Variants in COMMD5 observed in about 807,000 individuals in gnomAD.
COMMD5 encodes the protein COMM domain-containing protein 5.
Under a neutral mutation model 6.9 loss-of-function variants are expected in COMMD5, and 10 were observed. The ratio of observed to expected loss-of-function variants is 1.44; its 90% confidence interval spans 0.89 to 2.45. The LOEUF (loss-of-function observed/expected upper bound fraction) is 2.45. COMMD5 is among the 30% of genes most tolerant of loss of function. The probability of loss-of-function intolerance (pLI) is 0.00; values close to 1 mark genes in which losing one functional copy is unlikely to be tolerated. For synonymous variants in COMMD5, 127 were observed against 125.3 expected, an observed-to-expected ratio of 1.01 and a Z score of -0.09; for missense variants, 234 against 287.8, an observed-to-expected ratio of 0.81 and a Z score of 1.35.
At chr8:144,843,530 G>C (rs192931908) in intron 1 of COMMD5, 29 of 154,254 alleles carry the variant, frequency 1.9e-4, no homozygotes, top group East Asian at 1.5e-3. Context: ...GGAGCTTGCA[G>C]TGAGCTGAGA....
rs778991192 is a variant in COMMD5, at chr8:144,850,652, T to G, written c.*12A>C. 7 of 1,607,432 alleles carry G rather than the reference T, an allele frequency of 4.4e-6. No individual in the cohort carries two copies. Among genetic ancestry groups the G allele is most frequent in the South Asian group, 2.2e-5 (2 of 90,828 alleles). On this transcript the variant is annotated 3_prime_UTR_variant, in exon 2 of 2. Transcript: ENST00000305103. The surrounding 1 kb of genome is among the most constrained non-coding windows in gnomAD (Gnocchi z 4.0). ...CCAAGCCGGATCTGAATGGGACTGG[T>G]CAAGTGAGGGGTCAGTCCTGCAGTC...
chr8:144,845,894 A>C, downstream of COMMD5: 2 of 1,364,346 alleles, frequency 1.5e-6, no homozygotes, highest in Non-Finnish European at 2.0e-6. Flanking sequence ...GGCTGCTGAG[A>C]AGGGTCTTGG....
At chr8:144,838,767 CCT>C (rs1335796718), downstream of COMMD5, 2 of 151,264 alleles carry the variant, frequency 1.3e-5, no homozygotes, top group East Asian at 1.9e-4. Flanking sequence ...ACGGTGAAAC[CCT>C]GTGTCTACTA....
At chr8:144,841,285 C>T in exon 2 of COMMD5, 1 of 1,483,600 alleles carries the variant, frequency 6.7e-7, no homozygotes, top group South Asian at 1.3e-5. Context: ...GCCCTGGCCC[C>T]CGCATTTGTA....
chr8:144,839,995 C>T (rs1829659761), downstream of COMMD5, among the ~76,000 whole-genome samples: 1 of 152,212 alleles, frequency 6.6e-6, no homozygotes. Flanking sequence ...AGTGCAGTGG[C>T]ATGATCTTGG....
Position 144,842,116 on chromosome 8 carries a change from C to T in COMMD5, c.*117-373G>A, listed in dbSNP as rs371582136. Reference sequence around the variant, plus strand: ...CACAGGAGAGAGGCCCTATGGTTGTCGTGAGTGTGGGAAAGCCTTCAGCCA... The same window carrying T: ...CACAGGAGAGAGGCCCTATGGTTGTTGTGAGTGTGGGAAAGCCTTCAGCCA... On this transcript the variant is annotated intron_variant and NMD_transcript_variant, in intron 1 of 1. Transcript: ENST00000530332. The T allele has an allele frequency of 2.1e-5, 34 of 1,613,626 alleles. No individual in the cohort carries two copies. Among genetic ancestry groups the T allele is most frequent in the Non-Finnish European group, 2.8e-5 (33 of 1,179,930 alleles).
At chr8:144,841,087 T>G (rs1189647347) in exon 2 of COMMD5, 4 of 446,610 alleles carry the variant, frequency 9.0e-6, no homozygotes, top group Non-Finnish European at 1.6e-5. Flanking sequence ...CACCAGTGCC[T>G]GTAGGATGGA....
At chr8:144,838,182 A>C (rs748141332), downstream of COMMD5, 3 of 701,880 alleles carry the variant, frequency 4.3e-6, no homozygotes, top group Non-Finnish European at 7.8e-6. Context: ...ACTCCTTCAC[A>C]CGGCTGCCTT....
At chr8:144,838,017 C>G, downstream of COMMD5, 1 of 698,834 alleles carries the variant, frequency 1.4e-6, no homozygotes, top group East Asian at 2.7e-5. Flanking sequence ...GCTGTGGAGG[C>G]CGGAAATCTG....
At chr8:144,838,346 C>A, downstream of COMMD5, 1 of 569,702 alleles carries the variant, frequency 1.8e-6, no homozygotes, top group South Asian at 2.2e-5. Context: ...CAAGTTAGGA[C>A]TTCAGCCTAT....
At chr8:144,838,286 T>C (rs1386518908), downstream of COMMD5, 3 of 592,228 alleles carry the variant, frequency 5.1e-6, no homozygotes, top group East Asian at 2.8e-5. Context: ...TGGTGACTAA[T>C]TAATCTGCAA....
chr8:144,848,499 A>C (rs1303813282), downstream of COMMD5, among the ~76,000 whole-genome samples: 1 of 58,374 alleles, frequency 1.7e-5, no homozygotes, highest in Admixed American at 1.3e-4. Flanking sequence ...CTCCCGTCTC[A>C]AAAAAAAAAA....
rs111562571 is a variant in COMMD5 at position 144,843,311 on chromosome 8, C to T, written c.*117-1568G>A. ...CTCTCAAGAATATCCAACTTCAGGC[C>T]GAGTGTGGTGGCTTATGCCTGTCAT... On this transcript the variant is annotated intron_variant and NMD_transcript_variant, in intron 1 of 1. Coordinates refer to the COMMD5 transcript ENST00000530332. 3.3e-3 allele frequency: 3,571 copies of T among 1,086,242 alleles called. 82 individuals are homozygous for T. In the African/African-American group the frequency reaches 0.046, roughly 14 times the overall value. The allele number at this position is 1,086,242 out of a possible 1,614,324, so 67.3% of individuals were successfully genotyped here.
chr8:144,845,173 C>T (rs559582066), downstream of COMMD5, among the ~76,000 whole-genome samples: 5 of 152,182 alleles, frequency 3.3e-5, no homozygotes, highest in Non-Finnish European at 7.3e-5. Flanking sequence ...AGATTTCATT[C>T]TTTGTAGAAG....
At chr8:144,844,709 CAAAAAAAAAAAA>C (rs71320849) in intron 1 of COMMD5, among the ~76,000 whole-genome samples, 6 of 88,648 alleles carry the variant, frequency 6.8e-5, no homozygotes, top group Admixed American at 2.5e-4. Context: ...GACTCTGTAT[CAAAAAAAAAAAA>C]AAAAAAAAAA....
chr8:144,851,258 G>T lies in COMMD5; in HGVS notation c.81C>A (p.Ala27=). Residue 27 remains alanine (A), a synonymous_variant, in exon 2 of 2, where the codon GCC becomes GCA. Transcript: ENST00000305103. ...TTGCTGCCACCTCTGGAGGAAGCTGGGCCCCCAAGAAACTCACTCGGCCAC... is the reference window on the plus strand; with the variant it reads ...TTGCTGCCACCTCTGGAGGAAGCTGTGCCCCCAAGAAACTCACTCGGCCAC... ...SHSGRVSFLG[A]QLPPEVAAMA... is the part of the protein sequence containing the mutation. The T allele has an allele frequency of 6.2e-7, 1 of 1,614,048 alleles. No individual in the cohort carries two copies. Among genetic ancestry groups the T allele is most frequent in the East Asian group, 2.2e-5 (1 of 44,874 alleles).
At chr8:144,844,263 G>A (rs905708050) in intron 1 of COMMD5, among the ~76,000 whole-genome samples, 34 of 152,300 alleles carry the variant, frequency 2.2e-4, no homozygotes, top group African/African-American at 7.7e-4. Flanking sequence ...TCAAGCAAAT[G>A]CAAGTACCAA....
chr8:144,842,195 C>T (rs1345955700), intron 1 of COMMD5: 7 of 1,613,364 alleles, frequency 4.3e-6, no homozygotes, highest in Non-Finnish European at 5.9e-6. Context: ...AGGCCCTACC[C>T]TTGCAAGGAG....
chr8:144,844,872 G>C (rs117948320), intron 1 of COMMD5, among the ~76,000 whole-genome samples: 4,512 of 151,938 alleles, frequency 0.03, 93 homozygotes, highest in Admixed American at 0.076. Flanking sequence ...GGTGAGAGTG[G>C]GTTAGGAAGA....
Sources: gnomAD v4.1 joint callset for allele counts (sites outside exome capture counted in the v4.1 genomes callset) on GRCh38, gnomAD v4.1.1 for gene constraint, Gnocchi (gnomAD v3.1) non-coding constraint, MANE v1.5 for transcripts, NCBI Gene and HGNC (gene_info 2026-07-23, HGNC 2026-07-21) for gene names.